The following SBF2 variants were observed in gnomAD, a reference collection of about 807,000 sequenced individuals.
SBF2 encodes the protein SET binding factor 2.
In SBF2, 112 loss-of-function variants were observed where a neutral mutation model predicts 225.2. That is an observed-to-expected ratio of 0.50 (90% CI 0.43 to 0.58). The LOEUF (loss-of-function observed/expected upper bound fraction) is 0.58. Among genes scored for constraint, SBF2 ranks in the 20% least tolerant of loss-of-function variants. The probability of loss-of-function intolerance (pLI) is 0.00; values close to 1 mark genes in which losing one functional copy is unlikely to be tolerated. For missense variants in SBF2, 1,996 were observed against 2,206.2 expected (o/e 0.90, Z 1.91); for synonymous variants, 763 against 773.3 (o/e 0.99, Z 0.22).
chr11:9,895,790 T>C (rs1004585610), intron 17 of SBF2, among the ~76,000 whole-genome samples, 153 bp downstream of exon 17: 20 of 152,214 alleles, frequency 1.3e-4, no homozygotes, highest in African/African-American at 4.6e-4. Flanking sequence ...TTCCTACACA[T>C]AGCATGCAAT....
intron 2 of SBF2, among the ~76,000 whole-genome samples, chr11:10,168,415 G>C (rs557047312): frequency 1.3e-5 from 2 of 152,180 alleles, no homozygotes; most frequent in African/African-American, 2.4e-5. Context: ...TTAGTTTCTA[G>C]ACTCCACCCT....
chr11:10,156,454 C>T (rs367690159), intron 2 of SBF2, among the ~76,000 whole-genome samples: 3 of 152,226 alleles, frequency 2.0e-5, no homozygotes, highest in African/African-American at 7.2e-5. Flanking sequence ...GAAACCCCCA[C>T]CTTCAGGCCA....
intron 5 of SBF2, among the ~76,000 whole-genome samples, 165 bp downstream of exon 5, chr11:10,029,600 T>A (rs531380808): frequency 1.3e-5 from 2 of 152,216 alleles, no homozygotes; most frequent in South Asian, 4.1e-4. Flanking sequence ...GAATCTTGAG[T>A]GTCTAGAAAG....
intron 1 of SBF2, among the ~76,000 whole-genome samples, chr11:10,230,771 T>C (rs1958806514): frequency 6.6e-6 from 1 of 152,178 alleles, no homozygotes; most frequent in Non-Finnish European, 1.5e-5. Context: ...CTTTGGTGAA[T>C]CTGACAGTTA....
At chr11:9,880,173 T>C (rs919629574) in intron 17 of SBF2, among the ~76,000 whole-genome samples, 4 of 151,174 alleles carry the variant, frequency 2.6e-5, no homozygotes. Flanking sequence ...TTCAGGCCTT[T>C]TCCTTACTAT....
At chr11:10,195,703 C>A (rs1442716846) in intron 1 of SBF2, among the ~76,000 whole-genome samples, 1 of 152,150 alleles carries the variant, frequency 6.6e-6, no homozygotes, top group African/African-American at 2.4e-5. Flanking sequence ...TGGAAAGTGA[C>A]ATTCACTTTA....
chr11:9,999,943 G>A (rs1461122385), intron 8 of SBF2, among the ~76,000 whole-genome samples: 1 of 152,154 alleles, frequency 6.6e-6, no homozygotes, highest in African/African-American at 2.4e-5. Flanking sequence ...CAAAATCTTA[G>A]GGATCTGTGG....
intron 25 of SBF2, among the ~76,000 whole-genome samples, chr11:9,839,946 T>C (rs902208718): frequency 3.5e-4 from 54 of 152,134 alleles, no homozygotes; most frequent in African/African-American, 1.2e-3. Flanking sequence ...GATTAAAAAC[T>C]TCCTTTTGGG....
intron 1 of SBF2, among the ~76,000 whole-genome samples, chr11:10,282,074 A>C (rs1182581679): frequency 6.6e-6 from 1 of 152,194 alleles, no homozygotes; most frequent in Non-Finnish European, 1.5e-5. Flanking sequence ...CTCTACTATA[A>C]TGTTCGAAAG....
At chr11:10,101,585 A>AAC (rs1296271960) in intron 2 of SBF2, among the ~76,000 whole-genome samples, 1 of 151,930 alleles carries the variant, frequency 6.6e-6, no homozygotes, top group Non-Finnish European at 1.5e-5. Flanking sequence ...GGAACCCGGA[A>AAC]ACCTGGTATG....
chr11:10,187,515 T>C (rs1831236538), intron 2 of SBF2, among the ~76,000 whole-genome samples: 1 of 152,148 alleles, frequency 6.6e-6, no homozygotes, highest in African/African-American at 2.4e-5. Context: ...AAATGCCTGC[T>C]TTCTGCTCCA....
chr11:10,042,124 T>C lies in SBF2; in HGVS notation c.279+720A>G, dbSNP rs373761407. On this transcript the variant is annotated intron_variant, in intron 3 of 39. Coordinates refer to ENST00000256190, the MANE Select transcript of SBF2 (RefSeq NM_030962.4). ...CTATGGTGAAGGTTATAATGTCTGA[T>C]ATATACCCAGCATTGTAAGTGCCAA... Among the ~76,000 whole-genome samples the C allele has an allele frequency of 9.2e-5, 14 of 152,308 alleles. 1 individual carries two copies. Among genetic ancestry groups the C allele is most frequent in the African/African-American group, 3.4e-4 (14 of 41,554 alleles).
chr11:9,985,628 G>C (rs560929420), intron 13 of SBF2, among the ~76,000 whole-genome samples: 1 of 152,226 alleles, frequency 6.6e-6, no homozygotes, highest in East Asian at 1.9e-4. Context: ...TGGCTGGGTA[G>C]CTATTCTTAT....
chr11:10,164,613 G>A (rs1176728737), intron 2 of SBF2, among the ~76,000 whole-genome samples: 1 of 152,148 alleles, frequency 6.6e-6, no homozygotes, highest in Non-Finnish European at 1.5e-5. Context: ...TGTTACGGGA[G>A]CACGGTGCTT....
At chr11:10,113,233 GTCCTCCGAAATCAA>G (rs1399001575) in intron 2 of SBF2, among the ~76,000 whole-genome samples, 2 of 152,094 alleles carry the variant, frequency 1.3e-5, no homozygotes, top group East Asian at 3.9e-4. Context: ...GGCTCAAGCA[GTCCTCCGAAATCAA>G]TCTCCCAAAG....
chr11:10,063,815 AATT>A (rs1357449991), intron 2 of SBF2, among the ~76,000 whole-genome samples: 1 of 150,404 alleles, frequency 6.6e-6, no homozygotes, highest in East Asian at 1.9e-4. Flanking sequence ...CACCAATAAA[AATT>A]ATCTAAAATA....
intron 13 of SBF2, among the ~76,000 whole-genome samples, chr11:9,983,186 C>T (rs367632253): frequency 4.9e-4 from 75 of 152,270 alleles, no homozygotes; most frequent in African/African-American, 1.6e-3. Flanking sequence ...TTTTCAAGCC[C>T]GTCTGGCAGC....
At position 10,198,951 on chromosome 11, in the gene SBF2, C is replaced by A. The variant is rs545960729; in HGVS notation, c.56-4964G>T. On this transcript the variant is annotated intron_variant, in intron 1 of 39. Transcript: ENST00000256190. ...TTGTGGCTAATTTCATCTATCCAAACCACTCAGACTCCATATCAGTAATAA... is the reference window on the plus strand; with the variant it reads ...TTGTGGCTAATTTCATCTATCCAAAACACTCAGACTCCATATCAGTAATAA... Among the ~76,000 whole-genome samples, 5 of 152,326 alleles carry A rather than the reference C, an allele frequency of 3.3e-5. No individual in the cohort carries two copies. The South Asian group carries it at 1.0e-3, about 32-fold the overall frequency.
intron 6 of SBF2, among the ~76,000 whole-genome samples, chr11:10,010,012 G>A (rs1948374062): frequency 6.6e-6 from 1 of 152,186 alleles, no homozygotes. Context: ...GTGATGATGA[G>A]CTTTTTTTCA....
Sources: allele counts gnomAD v4.1 joint callset (sites outside exome capture counted in the v4.1 genomes callset), GRCh38; gene constraint gnomAD v4.1.1; transcripts MANE v1.5; gene names NCBI Gene and HGNC (gene_info 2026-07-23, HGNC 2026-07-21).